The following BORA variants were observed in gnomAD, a reference collection of about 807,000 sequenced individuals.
BORA encodes protein aurora borealis.
Under a neutral mutation model 55.8 loss-of-function variants are expected in BORA, and 26 were observed. The ratio of observed to expected loss-of-function variants is 0.47; its 90% confidence interval spans 0.34 to 0.65. BORA has a LOEUF of 0.65. BORA is among the 30% of genes least tolerant of loss of function. BORA has a pLI of 0.01. For missense variants in BORA, 568 were observed against 671.5 expected, an observed-to-expected ratio of 0.85 and a Z score of 1.70; for synonymous variants, 201 against 216.9, an observed-to-expected ratio of 0.93 and a Z score of 0.64.
In BORA at chr13:72,746,992, G is replaced by T; in HGVS notation, c.1363G>T (p.Gly455Cys). ...TTGGATTAAGGAGCCGGTTGATAAT[G>T]GCAGTTTACCCATGACTGATTTTGT... is the stretch of plus-strand genomic sequence containing the variant. ...TTWIKEPVDN[G>C]SLPMTDFVSG... Residue 455 changes from glycine (G) to cysteine (C), a missense_variant, in exon 10 of 12, where the codon GGC (glycine) becomes TGC (cysteine). By Grantham distance (159) the Gly-to-Cys change is radical. Coordinates refer to ENST00000390667, the MANE Select transcript of BORA (RefSeq NM_024808.5). The T allele has an allele frequency of 1.2e-6, 2 of 1,614,084 alleles. No homozygotes were observed. Among genetic ancestry groups the T allele is most frequent in the South Asian group, 1.1e-5 (1 of 91,080 alleles).
intron 5 of BORA, among the ~76,000 whole-genome samples, chr13:72,741,641 TTTGA>T (rs1254348152): frequency 6.6e-6 from 1 of 152,096 alleles, no homozygotes; most frequent in Admixed American, 6.5e-5. Context: ...TTTTTCCTCA[TTTGA>T]TTGTGGTCTT....
In BORA at chr13:72,728,908, C is replaced by T. The variant is rs2032746699; in HGVS notation, c.-15-18C>T. 5 of 1,547,020 alleles carry T rather than the reference C, an allele frequency of 3.2e-6. No individual in the cohort carries two copies. Among genetic ancestry groups the T allele is most frequent in the South Asian group, 2.5e-5 (2 of 80,158 alleles). On this transcript the variant is annotated intron_variant, in intron 1 of 11. Coordinates refer to ENST00000390667, the MANE Select transcript of BORA (RefSeq NM_024808.5). ...GGACTTTGTAATTTTAACATGCATA[C>T]TCTTGATTTCTTTTTAGTTTTCTCT...
chr13:72,743,506 C>T (rs1250984491), intron 5 of BORA, 31 bp from the exon 6 acceptor site: 4 of 1,527,006 alleles, frequency 2.6e-6, no homozygotes, highest in South Asian at 2.4e-5. Context: ...GAGTATAAAA[C>T]ATAGGATTTT....
chr13:72,755,967 A>G lies in BORA; in HGVS notation c.*751A>G, dbSNP rs2033454462. 2.5e-6 allele frequency: 1 copy of G among 398,500 alleles called. No individual in the cohort carries two copies. Among genetic ancestry groups the G allele is most frequent in the Non-Finnish European group, 4.4e-6 (1 of 226,084 alleles). The allele number at this position is 398,500 out of a possible 1,614,324, so 24.7% of individuals were successfully genotyped here. Reference sequence around the variant, plus strand: ...AGAATGTGGGAGAACCAAGAGAAAAAGTGGGGCTGGGAGAGTGGAGTTCCC... The same window carrying G: ...AGAATGTGGGAGAACCAAGAGAAAAGGTGGGGCTGGGAGAGTGGAGTTCCC... On this transcript the variant is annotated 3_prime_UTR_variant, in exon 12 of 12. Transcript: ENST00000390667.
At chr13:72,737,921 G>A in intron 4 of BORA, 41 bp from the exon 5 acceptor site, 1 of 1,336,528 alleles carries the variant, frequency 7.5e-7, no homozygotes, top group Non-Finnish European at 1.0e-6. Context: ...TCACATTTTG[G>A]GTGGAATTTA....
At chr13:72,746,394 T>C in intron 9 of BORA, 107 bp from the exon 10 acceptor site, 1 of 1,296,742 alleles carries the variant, frequency 7.7e-7, no homozygotes, top group Non-Finnish European at 1.1e-6. Flanking sequence ...ACACAACTGT[T>C]ACAGAAATGC....
At chr13:72,746,098 C>A in intron 9 of BORA, 22 bp downstream of exon 9, 1 of 1,582,440 alleles carries the variant, frequency 6.3e-7, no homozygotes, top group South Asian at 1.1e-5. Context: ...AATAAAATAC[C>A]TAGTTAAAAG....
In BORA at chr13:72,727,935, C is replaced by G; in HGVS notation, c.-88C>G. The G allele has an allele frequency of 6.4e-7, 1 of 1,550,638 alleles. No individual in the cohort carries two copies. The highest frequency in any genetic ancestry group is 2.0e-5 in the Admixed American group (1 of 51,008). On this transcript the variant is annotated 5_prime_UTR_variant, in exon 1 of 12. Coordinates refer to ENST00000390667, the MANE Select transcript of BORA (RefSeq NM_024808.5). Reference sequence around the variant, plus strand: ...GAAGCGGGGAGTTAAAGAGTCTATGCCTGTCGTGGAAGCTGGCCTGGCCCC... The same window carrying G: ...GAAGCGGGGAGTTAAAGAGTCTATGGCTGTCGTGGAAGCTGGCCTGGCCCC...
rs1270044532 is a variant in BORA at position 72,728,964 on chromosome 13, G to A, written c.24G>A (p.Lys8=). 1.9e-6 allele frequency: 3 copies of A among 1,602,314 alleles called. No homozygotes were observed. The highest frequency in any genetic ancestry group is 1.1e-5 in the South Asian group (1 of 88,404). The part of the protein sequence containing the change: MGDVKES[K]MQITPETPGR... Reference sequence around the variant, plus strand: ...CTATGGGAGATGTCAAGGAATCAAAGATGCAAATAACACCAGAAACTCCAG... The same window carrying A: ...CTATGGGAGATGTCAAGGAATCAAAAATGCAAATAACACCAGAAACTCCAG... The change falls in exon 2 of 12, where the codon AAG becomes AAA. Residue 8 remains lysine, a synonymous_variant. Coordinates refer to ENST00000390667, the MANE Select transcript of BORA (RefSeq NM_024808.5).
At chr13:72,737,383 A>G (rs1339511946) in intron 4 of BORA, among the ~76,000 whole-genome samples, 1 of 152,218 alleles carries the variant, frequency 6.6e-6, no homozygotes, top group African/African-American at 2.4e-5. Context: ...CAGATACAAA[A>G]TACATTATTA....
intron 1 of BORA, chr13:72,728,395 C>T: frequency 1.7e-6 from 1 of 595,786 alleles, no homozygotes; most frequent in Non-Finnish European, 3.0e-6. Flanking sequence ...TTTCCTAGCC[C>T]CTGTCAATCA....
chr13:72,737,907 C>A, intron 4 of BORA, 55 bp from the exon 5 acceptor site: 2 of 1,142,138 alleles, frequency 1.8e-6, no homozygotes, highest in Non-Finnish European at 1.3e-6. Context: ...ACACAGGTAC[C>A]GTCTCACATT....
chr13:72,738,112 A>C, intron 5 of BORA, 69 bp downstream of exon 5: 1 of 1,104,202 alleles, frequency 9.1e-7, no homozygotes, highest in Non-Finnish European at 1.3e-6. Context: ...CATATCATGA[A>C]GTGCCAGTAT....
At position 72,745,035 on chromosome 13, in the gene BORA, C is replaced by T. The variant is rs2033112272; in HGVS notation, c.566C>T (p.Ser189Phe). 2 of 1,614,098 alleles carry T rather than the reference C, an allele frequency of 1.2e-6. No homozygotes were observed. Among genetic ancestry groups the T allele is most frequent in the African/African-American group, 2.7e-5 (2 of 75,044 alleles). Reference sequence around the variant, plus strand: ...GATCAATCTCCTGGAAACCTCAGTTCTTCATCCCTCAGAAGAAAGCTGTTT... The same window carrying T: ...GATCAATCTCCTGGAAACCTCAGTTTTTCATCCCTCAGAAGAAAGCTGTTT... ...FADQSPGNLS[S>F]SSLRRKLFLD... is the part of the protein sequence containing the mutation. Residue 189 changes from serine to phenylalanine, a missense_variant, in exon 8 of 12, where the codon TCT becomes TTT. By Grantham distance (155) the Ser-to-Phe change is radical. Coordinates refer to ENST00000390667, the MANE Select transcript of BORA (RefSeq NM_024808.5).
At chr13:72,739,833 C>A (rs2033001184) in intron 5 of BORA, among the ~76,000 whole-genome samples, 1 of 152,118 alleles carries the variant, frequency 6.6e-6, no homozygotes, top group Non-Finnish European at 1.5e-5. Context: ...GAACACCACA[C>A]AGGGAGGTCA....
intron 7 of BORA, 77 bp downstream of exon 7, chr13:72,744,638 C>T (rs2033104982): frequency 8.8e-7 from 1 of 1,138,252 alleles, no homozygotes; most frequent in Admixed American, 2.0e-5. Flanking sequence ...TAAATGGTAA[C>T]ATGGGAAATA....
chr13:72,746,126 T>C (rs1237703810), intron 9 of BORA, 50 bp downstream of exon 9: 2 of 1,482,642 alleles, frequency 1.3e-6, no homozygotes, highest in South Asian at 1.2e-5. Flanking sequence ...CTATCAATAT[T>C]TGTTATTAGA....
At chr13:72,753,020 GC>G (rs2033320278) in intron 10 of BORA, 1 of 152,166 alleles carries the variant, frequency 6.6e-6, no homozygotes, top group African/African-American at 2.4e-5. Context: ...TGAAAGTTAA[GC>G]TTTTTAAGCC....
chr13:72,749,438 C>G (rs2033218689), intron 10 of BORA, among the ~76,000 whole-genome samples: 5 of 152,088 alleles, frequency 3.3e-5, no homozygotes, highest in Admixed American at 3.3e-4. Flanking sequence ...TGAATAATAT[C>G]TTAGATTTCT....
Sources: gnomAD v4.1 joint callset for allele counts (sites outside exome capture counted in the v4.1 genomes callset) on GRCh38, gnomAD v4.1.1 for gene constraint, MANE v1.5 for transcripts, NCBI Gene and HGNC (gene_info 2026-07-23, HGNC 2026-07-21) for gene names.